ROBO2: variants seen among roughly 807,000 people sequenced by gnomAD.
ROBO2 encodes the protein roundabout homolog 2.
A neutral mutation model predicts 160.8 loss-of-function variants in ROBO2; 53 were observed. The ratio of observed to expected loss-of-function variants is 0.33; its 90% confidence interval spans 0.26 to 0.41. The LOEUF (loss-of-function observed/expected upper bound fraction) is 0.41, where lower values mean the gene tolerates loss of function less well. ROBO2 is among the 10% of genes least tolerant of loss of function. The pLI, the probability that ROBO2 is intolerant of heterozygous loss-of-function variation, is 1.00. For missense variants in ROBO2, 1,577 were observed against 1,722.4 expected (o/e 0.92, Z 1.49); for synonymous variants, 664 against 611.7 (o/e 1.09, Z -1.26).
intron 2 of ROBO2, among the ~76,000 whole-genome samples, chr3:77,244,810 G>A (rs150223877): frequency 0.015 from 2,277 of 151,008 alleles, 28 homozygotes; most frequent in Non-Finnish European, 0.023. Context: ...CCTGGGAGGC[G>A]GAGCTTGCAG....
chr3:77,520,037 A>G (rs2090435005), intron 5 of ROBO2, among the ~76,000 whole-genome samples: 1 of 151,274 alleles, frequency 6.6e-6, no homozygotes, highest in African/African-American at 2.4e-5. Flanking sequence ...ATTTGAATAA[A>G]CAGGTTTTTT....
At chr3:76,401,323 C>G (rs763261631) in intron 2 of ROBO2, among the ~76,000 whole-genome samples, 16 of 151,436 alleles carry the variant, frequency 1.1e-4, no homozygotes, top group Admixed American at 3.3e-4. Flanking sequence ...AGTGCCCATT[C>G]TAATTTGAAG....
At chr3:76,075,994 A>G (rs189338050) in intron 2 of ROBO2, among the ~76,000 whole-genome samples, 2 of 152,354 alleles carry the variant, frequency 1.3e-5, no homozygotes, top group Non-Finnish European at 2.9e-5. Flanking sequence ...ATTACTTAAG[A>G]CATTATTTTA....
intron 15 of ROBO2, among the ~76,000 whole-genome samples, chr3:77,579,202 A>C (rs1345003120): frequency 1.3e-5 from 2 of 152,110 alleles, no homozygotes; most frequent in African/African-American, 4.8e-5. Flanking sequence ...TCATCAGAAC[A>C]ATTTCTATAT....
At chr3:77,289,240 T>C (rs78439668) in intron 2 of ROBO2, among the ~76,000 whole-genome samples, 126 of 152,226 alleles carry the variant, frequency 8.3e-4, no homozygotes, top group African/African-American at 2.8e-3. Context: ...AGATTGTAAA[T>C]TGAGGTAAGT....
chr3:76,267,967 A>G (rs549556937), intron 2 of ROBO2, among the ~76,000 whole-genome samples: 3 of 152,274 alleles, frequency 2.0e-5, no homozygotes, highest in East Asian at 1.9e-4. Context: ...TGAGAATTCA[A>G]TAAGATTATA....
intron 2 of ROBO2, among the ~76,000 whole-genome samples, chr3:76,272,924 ATAT>A (rs1559706361): frequency 2.6e-4 from 6 of 22,730 alleles, no homozygotes; most frequent in African/African-American, 5.3e-4. Flanking sequence ...TAAAATATAT[ATAT>A]TTATATATAA....
intron 2 of ROBO2, among the ~76,000 whole-genome samples, chr3:76,768,770 A>G (rs1453835956): frequency 6.6e-6 from 1 of 151,292 alleles, no homozygotes; most frequent in East Asian, 2.0e-4. Flanking sequence ...GTTCATTGCC[A>G]TTTTGAAAAA....
chr3:76,658,179 C>T (rs1183593241), intron 2 of ROBO2, among the ~76,000 whole-genome samples: 1 of 151,260 alleles, frequency 6.6e-6, no homozygotes, highest in African/African-American at 2.4e-5. Flanking sequence ...TTTAAAAGTG[C>T]ACATTTTCTG....
chr3:76,118,455 A>T (rs529950053), intron 2 of ROBO2, among the ~76,000 whole-genome samples: 6 of 152,188 alleles, frequency 3.9e-5, no homozygotes, highest in African/African-American at 1.4e-4. Flanking sequence ...TCATAAGGTC[A>T]TGTACTGTTT....
At chr3:77,057,903 A>T (rs1169341375) in intron 1 of ROBO2, among the ~76,000 whole-genome samples, 1 of 152,042 alleles carries the variant, frequency 6.6e-6, no homozygotes, top group Non-Finnish European at 1.5e-5. Context: ...TGACGGGTTG[A>T]TAGGTGCATC....
intron 2 of ROBO2, among the ~76,000 whole-genome samples, chr3:76,667,667 G>T (rs1032487503): frequency 6.2e-5 from 7 of 112,198 alleles, no homozygotes; most frequent in African/African-American, 8.7e-5. Flanking sequence ...AAATATAATT[G>T]TTCTTATTGT....
intron 1 of ROBO2, among the ~76,000 whole-genome samples, chr3:77,057,481 C>T (rs1485334598): frequency 6.6e-6 from 1 of 150,940 alleles, no homozygotes; most frequent in Non-Finnish European, 1.5e-5. Context: ...AGACCAAGTT[C>T]AAAGGCTTTG....
chr3:76,194,353 AATATATATATAT>A (rs772196827), intron 2 of ROBO2, among the ~76,000 whole-genome samples: 1 of 94,532 alleles, frequency 1.1e-5, no homozygotes, highest in East Asian at 2.8e-4. Flanking sequence ...ATGGTGTGTA[AATATATATATAT>A]ATATATATAT....
chr3:76,246,874 T>C (rs544567077), intron 2 of ROBO2, among the ~76,000 whole-genome samples: 1 of 152,244 alleles, frequency 6.6e-6, no homozygotes, highest in East Asian at 1.9e-4. Flanking sequence ...CTATCATTTA[T>C]TGCAATTTGA....
chr3:77,185,442 A>AAAT (rs2081194323), intron 2 of ROBO2, among the ~76,000 whole-genome samples: 1 of 151,948 alleles, frequency 6.6e-6, no homozygotes. Flanking sequence ...GGTACATCAA[A>AAAT]ACGTCAGTAA....
intron 2 of ROBO2, among the ~76,000 whole-genome samples, chr3:76,934,748 A>C (rs1206170468): frequency 2.6e-5 from 4 of 152,024 alleles, no homozygotes; most frequent in Admixed American, 6.6e-5. Context: ...TCTCAAAAAC[A>C]AAAACAAAAG....
intron 2 of ROBO2, among the ~76,000 whole-genome samples, chr3:77,193,448 G>GA (rs2082052095): frequency 8.2e-6 from 1 of 121,612 alleles, no homozygotes; most frequent in Non-Finnish European, 1.9e-5. Context: ...GCCCAGCTAA[G>GA]TTTTTTTTTT....
At chr3:76,188,999 G>T (rs759182839) in intron 2 of ROBO2, among the ~76,000 whole-genome samples, 1 of 152,110 alleles carries the variant, frequency 6.6e-6, no homozygotes, top group Non-Finnish European at 1.5e-5. Flanking sequence ...CGTGGAAGCA[G>T]TTGGTGACCT....
Sources: allele counts gnomAD v4.1 joint callset (sites outside exome capture counted in the v4.1 genomes callset), GRCh38; gene constraint gnomAD v4.1.1; transcripts MANE v1.5; gene names NCBI Gene and HGNC (gene_info 2026-07-23, HGNC 2026-07-21).